Variants in DACH1 observed in about 807,000 individuals in gnomAD.
DACH1 encodes the protein dachshund family transcription factor 1, also known as dachshund homolog 1.
A neutral mutation model predicts 54.2 loss-of-function variants in DACH1; 12 were observed. That is an observed-to-expected ratio of 0.22 (90% confidence interval 0.14 to 0.36). The LOEUF is 0.36. Among genes scored for constraint, DACH1 ranks in the 10% least tolerant of loss-of-function variants. DACH1 has a pLI of 1.00. For missense variants in DACH1, 805 were observed against 929.8 expected, an observed-to-expected ratio of 0.87 and a Z score of 1.75; for synonymous variants, 386 against 366.2, an observed-to-expected ratio of 1.05 and a Z score of -0.62.
intron 1 of DACH1, among the ~76,000 whole-genome samples, chr13:71,774,033 T>C (rs1021178808): frequency 6.6e-6 from 1 of 151,100 alleles, no homozygotes; most frequent in African/African-American, 2.4e-5. Context: ...GCTGCTCCAA[T>C]GTCAAAGAAA....
intron 1 of DACH1, among the ~76,000 whole-genome samples, chr13:71,819,457 C>G (rs1447458541): frequency 1.3e-5 from 2 of 152,152 alleles, no homozygotes; most frequent in South Asian, 4.1e-4. Context: ...GTCATTGGAG[C>G]CTCTCTCCTT....
chr13:71,794,387 C>T (rs572961867), intron 1 of DACH1, among the ~76,000 whole-genome samples: 1 of 152,292 alleles, frequency 6.6e-6, no homozygotes, highest in East Asian at 1.9e-4. Flanking sequence ...GTCATGGTTG[C>T]ATTGGTTTGC....
At chr13:71,766,911 C>G (rs1008496503) in intron 1 of DACH1, among the ~76,000 whole-genome samples, 2 of 151,074 alleles carry the variant, frequency 1.3e-5, no homozygotes, top group Non-Finnish European at 2.9e-5. Flanking sequence ...AACTCATTAG[C>G]ATCTTGCAGA....
At chr13:71,575,837 C>G (rs1885493915) in intron 3 of DACH1, among the ~76,000 whole-genome samples, 1 of 151,958 alleles carries the variant, frequency 6.6e-6, no homozygotes, top group Non-Finnish European at 1.5e-5. Context: ...ATAAATAGAG[C>G]AAACAATTAA....
intron 6 of DACH1, among the ~76,000 whole-genome samples, chr13:71,515,882 C>G (rs78895403): frequency 0.014 from 2,153 of 151,930 alleles, 57 homozygotes; most frequent in African/African-American, 0.049. Flanking sequence ...CACAGGGTAA[C>G]AATCTGCACA....
chr13:71,679,755 C>T (rs1461204320), intron 2 of DACH1, among the ~76,000 whole-genome samples: 4 of 151,862 alleles, frequency 2.6e-5, no homozygotes, highest in South Asian at 4.2e-4. Flanking sequence ...GAGGCCGAGG[C>T]GGATGGATCA....
intron 6 of DACH1, among the ~76,000 whole-genome samples, chr13:71,497,859 GAC>G (rs6145114): frequency 0.012 from 1,740 of 146,380 alleles, 31 homozygotes; most frequent in African/African-American, 0.037. Flanking sequence ...AATATGTGTT[GAC>G]ACACACACAC....
intron 1 of DACH1, among the ~76,000 whole-genome samples, chr13:71,723,471 G>A (rs1404546444): frequency 6.6e-6 from 1 of 151,944 alleles, no homozygotes; most frequent in East Asian, 1.9e-4. Context: ...CCAAATATTT[G>A]GCATTATGTT....
intron 1 of DACH1, among the ~76,000 whole-genome samples, chr13:71,707,279 C>A (rs1882496419): frequency 6.6e-6 from 1 of 152,242 alleles, no homozygotes; most frequent in Non-Finnish European, 1.5e-5. Context: ...ACCTGTGCAG[C>A]TGCACAAGTC....
At chr13:71,483,908 C>G (rs1164067352) in intron 7 of DACH1, among the ~76,000 whole-genome samples, 3 of 152,110 alleles carry the variant, frequency 2.0e-5, no homozygotes, top group African/African-American at 7.2e-5. Flanking sequence ...CAGGTATATA[C>G]TAGGCAATAT....
chr13:71,566,893 T>C (rs1265712778), intron 4 of DACH1, among the ~76,000 whole-genome samples: 2 of 152,138 alleles, frequency 1.3e-5, no homozygotes, highest in African/African-American at 2.4e-5. Flanking sequence ...GAATAAACTA[T>C]TCTGTAACTA....
At chr13:71,841,951 T>G (rs749364748) in intron 1 of DACH1, among the ~76,000 whole-genome samples, 16 of 152,164 alleles carry the variant, frequency 1.1e-4, no homozygotes, top group Non-Finnish European at 2.4e-4. Flanking sequence ...TTTCCCCAAA[T>G]TTTCATCTTG....
chr13:71,710,722 C>T (rs1382755044), intron 1 of DACH1, among the ~76,000 whole-genome samples: 4 of 152,124 alleles, frequency 2.6e-5, no homozygotes, highest in East Asian at 1.9e-4. Context: ...GCCTAAAAAT[C>T]TTCCAACATT....
chr13:71,472,545 G>A (rs1210009538), intron 10 of DACH1, among the ~76,000 whole-genome samples: 8 of 152,102 alleles, frequency 5.3e-5, no homozygotes, highest in African/African-American at 1.9e-4. Context: ...AAAACCTGTG[G>A]GCTTATTTTG....
intron 1 of DACH1, among the ~76,000 whole-genome samples, chr13:71,822,206 C>T (rs1234054641): frequency 6.6e-6 from 1 of 151,946 alleles, no homozygotes; most frequent in African/African-American, 2.4e-5. Flanking sequence ...TTAAACTATC[C>T]CATTTTAAAT....
At position 71,520,724 on chromosome 13, in the gene DACH1, A is replaced by G. The variant is rs35203017; in HGVS notation, c.1571-31576T>C. ...GACTTAAAAGGAAATTGAATTAACA[A>G]TAGCAGCCTGTGTGCCTGATATCAG... On this transcript the variant is annotated intron_variant, in intron 6 of 10. Transcript: ENST00000613252. Among the ~76,000 whole-genome samples, 1,125 of 151,974 alleles carry G rather than the reference A, an allele frequency of 7.4e-3. 4 individuals carry two copies. Among genetic ancestry groups the G allele is most frequent in the Non-Finnish European group, 0.013 (858 of 67,866 alleles).
At chr13:71,826,661 C>A (rs1888394774) in intron 1 of DACH1, among the ~76,000 whole-genome samples, 1 of 151,950 alleles carries the variant, frequency 6.6e-6, no homozygotes, top group African/African-American at 2.4e-5. Flanking sequence ...ATAATGATGC[C>A]TATTATATAT....
chr13:71,483,414 AC>A (rs1878223215), intron 7 of DACH1, among the ~76,000 whole-genome samples: 1 of 147,116 alleles, frequency 6.8e-6, no homozygotes, highest in African/African-American at 2.5e-5. Context: ...ATTTAATGTT[AC>A]AGTTAAAATT....
At chr13:71,751,461 G>A (rs142227077) in intron 1 of DACH1, among the ~76,000 whole-genome samples, 409 of 152,194 alleles carry the variant, frequency 2.7e-3, no homozygotes, top group Admixed American at 4.3e-3. Context: ...CACAATAATG[G>A]CTTTGCAAAA....
Sources: gnomAD v4.1 joint callset for allele counts (sites outside exome capture counted in the v4.1 genomes callset) on GRCh38, gnomAD v4.1.1 for gene constraint, MANE v1.5 for transcripts, NCBI Gene and HGNC (gene_info 2026-07-23, HGNC 2026-07-21) for gene names.